The following ST3GAL6 variants were observed in gnomAD, a reference collection of about 807,000 sequenced individuals.
ST3GAL6 encodes the protein type 2 lactosamine alpha-2,3-sialyltransferase.
ST3GAL6 carries 31 observed loss-of-function variants against 40.5 expected under a neutral mutation model. The observed-to-expected ratio is 0.77, with a 90% CI of 0.58 to 1.03. ST3GAL6 has a LOEUF of 1.03. ST3GAL6 is among the 50% of genes least tolerant of loss of function. ST3GAL6 has a pLI of 0.00. For missense variants in ST3GAL6, 357 were observed against 393.2 expected (o/e 0.91, Z 0.78); for synonymous variants, 129 against 136.9 (o/e 0.94, Z 0.40).
At chr3:98,785,449 C>T (rs1301477920) in intron 6 of ST3GAL6, among the ~76,000 whole-genome samples, 3 of 152,132 alleles carry the variant, frequency 2.0e-5, no homozygotes, top group Non-Finnish European at 2.9e-5. Flanking sequence ...AAGCAGGGCC[C>T]AAGTGACCAC....
upstream of ST3GAL6, chr3:98,763,218 A>C: frequency 8.2e-7 from 1 of 1,214,252 alleles, no homozygotes; most frequent in Non-Finnish European, 1.1e-6. Flanking sequence ...TCTGTTGTAG[A>C]TTTGCTCATG....
Position 98,748,685 on chromosome 3 carries a change from C to T in ST3GAL6, c.-12+16153C>T, listed in dbSNP as rs970611244. Among the ~76,000 whole-genome samples the T allele has an allele frequency of 2.4e-4, 36 of 152,062 alleles. 1 individual carries two copies. The highest frequency in any genetic ancestry group is 1.0e-4 in the Non-Finnish European group (7 of 67,996). ...TTTGCCATGTTGGCCAGGCTGGTCT[C>T]GAACTCCTGACCTCAGGTGATCTGC... On this transcript the variant is annotated intron_variant, in intron 1 of 9. Transcript: ENST00000265261.
intron 4 of ST3GAL6, among the ~76,000 whole-genome samples, chr3:98,773,266 G>T (rs1186416890): frequency 6.6e-6 from 1 of 152,036 alleles, no homozygotes; most frequent in Non-Finnish European, 1.5e-5. Flanking sequence ...GCTTCCCATG[G>T]CTTCTTTTTA....
chr3:98,760,344 C>A (rs1937633756), upstream of ST3GAL6, among the ~76,000 whole-genome samples: 1 of 152,194 alleles, frequency 6.6e-6, no homozygotes, highest in African/African-American at 2.4e-5. Context: ...ACCAACTTCC[C>A]AGGTGATGCC....
chr3:98,782,493 A>G (rs75780075), intron 5 of ST3GAL6: 10,170 of 607,764 alleles, frequency 0.017, 124 homozygotes, highest in Non-Finnish European at 0.023. Flanking sequence ...TCCATACAAG[A>G]TGAATTTACA....
In ST3GAL6 at chr3:98,768,436, CA is replaced by C. The variant is rs1559739360; in HGVS notation, c.-4del. The C allele has an allele frequency of 6.2e-7, 1 of 1,613,338 alleles. No individual in the cohort carries two copies. On this transcript the variant is annotated 5_prime_UTR_variant, in exon 2 of 10. Coordinates refer to ENST00000483910, the MANE Select transcript of ST3GAL6 (RefSeq NM_001323368.2). ...TTCATTCCTTGTGTTTCAGGTGAGC[CA>C]GCCATGAGAGGGTATCTTGTGGCCA...
At position 98,737,719 on chromosome 3, in the gene ST3GAL6, A is replaced by G. The variant is rs551194965; in HGVS notation, c.-12+5187A>G. On this transcript the variant is annotated intron_variant, in intron 1 of 9. Transcript: ENST00000265261. Reference sequence around the variant, plus strand: ...TGGCTTTTCTGATTAACACAGTGGCATAAAACCTGAAACCTCAGGAGACCT... The same window carrying G: ...TGGCTTTTCTGATTAACACAGTGGCGTAAAACCTGAAACCTCAGGAGACCT... 2.4e-4 allele frequency among the ~76,000 whole-genome samples: 36 copies of G among 152,350 alleles called. 1 individual carries two copies. The highest frequency in any genetic ancestry group is 8.4e-4 in the African/African-American group (35 of 41,586).
chr3:98,760,375 C>T (rs1045600723), upstream of ST3GAL6, among the ~76,000 whole-genome samples: 4 of 152,192 alleles, frequency 2.6e-5, no homozygotes, highest in African/African-American at 9.7e-5. Flanking sequence ...GTCCATGGAC[C>T]ACACTTTGAA....
chr3:98,757,859 G>A (rs1412471750), intron 1 of ST3GAL6, among the ~76,000 whole-genome samples: 6 of 148,042 alleles, frequency 4.1e-5, no homozygotes, highest in African/African-American at 1.2e-4. Flanking sequence ...TTTTTGAGAC[G>A]GAGTCTTGCT....
At chr3:98,793,613 T>C (rs1461406155) in intron 9 of ST3GAL6, 62 bp from the exon 10 acceptor site, 3 of 1,044,350 alleles carry the variant, frequency 2.9e-6, no homozygotes, top group South Asian at 1.9e-5. Context: ...AAGTACTCCA[T>C]TGGTGCTGCT....
chr3:98,733,080 C>A (rs1935181288), intron 1 of ST3GAL6: 5 of 1,371,200 alleles, frequency 3.6e-6, no homozygotes, highest in Non-Finnish European at 9.4e-7. Flanking sequence ...GTCTGTGCTG[C>A]CCCGACCCTC....
At chr3:98,737,539 A>T (rs867006655) in intron 1 of ST3GAL6, among the ~76,000 whole-genome samples, 1 of 152,158 alleles carries the variant, frequency 6.6e-6, no homozygotes, top group South Asian at 2.1e-4. Context: ...TATTCCTTTT[A>T]TCCTCTTGTC....
chr3:98,763,125 G>T, upstream of ST3GAL6: 1 of 985,328 alleles, frequency 1.0e-6, no homozygotes, highest in Non-Finnish European at 1.2e-6. Context: ...GAGATGGCTG[G>T]GTCTGTGAGG....
chr3:98,746,672 A>C (rs1010084221), intron 1 of ST3GAL6, among the ~76,000 whole-genome samples: 6 of 152,112 alleles, frequency 3.9e-5, no homozygotes, highest in Admixed American at 1.3e-4. Flanking sequence ...CATTTTTGTC[A>C]GTGAAAACAA....
At chr3:98,783,411 G>A in intron 5 of ST3GAL6, 1 of 287,664 alleles carries the variant, frequency 3.5e-6, no homozygotes, top group South Asian at 1.4e-4. Context: ...TACAATGAAT[G>A]GCAAACTGTT....
At chr3:98,762,719 T>C (rs887056899), upstream of ST3GAL6, 4 of 845,812 alleles carry the variant, frequency 4.7e-6, no homozygotes, top group Non-Finnish European at 5.7e-6. Context: ...GTTCATACTC[T>C]TAAAAATATG....
chr3:98,788,391 A>G lies in ST3GAL6; in HGVS notation c.684A>G (p.Ile228Met), dbSNP rs777447332. The change falls in exon 8 of 10, where the codon ATA (isoleucine) becomes ATG (methionine). Residue 228 changes from isoleucine (I) to methionine (M), a missense_variant. Coordinates refer to ENST00000483910, the MANE Select transcript of ST3GAL6 (RefSeq NM_001323368.2). ...TTTATAAACCTTATCAAATCCGAAT[A>G]TTAGATCCTTTCATTATCAGAACAG... is the stretch of plus-strand genomic sequence containing the variant. ...NLIYKPYQIR[I>M]LDPFIIRTAA... is the part of the protein sequence containing the mutation. 6.2e-7 allele frequency: 1 copy of G among 1,613,104 alleles called. No individual in the cohort carries two copies. Among genetic ancestry groups the G allele is most frequent in the South Asian group, 1.1e-5 (1 of 90,748 alleles).
At chr3:98,792,327 G>A (rs1456795622) in intron 9 of ST3GAL6, among the ~76,000 whole-genome samples, 1 of 152,070 alleles carries the variant, frequency 6.6e-6, no homozygotes, top group East Asian at 1.9e-4. Context: ...AATTCACCTT[G>A]CATTGCTGTG....
At chr3:98,762,963 T>C (rs1937947003), upstream of ST3GAL6, 4 of 985,286 alleles carry the variant, frequency 4.1e-6, no homozygotes, top group South Asian at 1.9e-4. Context: ...TGTAGATCCT[T>C]GGGATATGAA....
Sources: gnomAD v4.1 joint callset for allele counts (sites outside exome capture counted in the v4.1 genomes callset) on GRCh38, gnomAD v4.1.1 for gene constraint, MANE v1.5 for transcripts, NCBI Gene and HGNC (gene_info 2026-07-23, HGNC 2026-07-21) for gene names.